The following CRISP3 variants were observed in gnomAD, a reference collection of about 807,000 sequenced individuals.
The protein encoded by CRISP3 is cysteine rich secretory protein 3, also known as cysteine-rich secretory protein 3.
CRISP3 carries 33 observed loss-of-function variants against 36.1 expected under a neutral mutation model. That is an observed-to-expected ratio of 0.91 (90% confidence interval 0.69 to 1.22). The LOEUF (loss-of-function observed/expected upper bound fraction) is 1.22, where lower values mean the gene tolerates loss of function less well. Among genes scored for constraint, CRISP3 ranks in the 50% most tolerant of loss-of-function variants. The pLI, the probability that CRISP3 is intolerant of heterozygous loss-of-function variation, is 0.00. For synonymous variants in CRISP3, 117 were observed against 104.6 expected, an observed-to-expected ratio of 1.12 and a Z score of -0.72; for missense variants, 330 against 301.2, an observed-to-expected ratio of 1.10 and a Z score of -0.71.
intron 1 of CRISP3, among the ~76,000 whole-genome samples, chr6:49,741,572 T>C (rs1769202623): frequency 6.7e-6 from 1 of 148,322 alleles, no homozygotes; most frequent in African/African-American, 2.5e-5. Context: ...CAAAGTAATA[T>C]GACAAAAAAT....
chr6:49,733,841 T>C lies in CRISP3; in HGVS notation c.324A>G (p.Lys108=). 1 of 1,613,210 alleles carries C rather than the reference T, an allele frequency of 6.2e-7. No homozygotes were observed. The highest frequency in any genetic ancestry group is 1.1e-5 in the South Asian group (1 of 90,978). ...SNPKDRMTSL[K]CGENLYMSSA... is the part of the protein sequence containing the mutation. ...TTGACATGTAGAGATTCTCACCACA[T>C]TTTAGACCTAAGAAGGAACAGACCA... The change falls in exon 5 of 8, where the codon AAA becomes AAG. Residue 108 remains lysine (K), a synonymous_variant. Transcript: ENST00000263045.
chr6:49,740,575 A>ATGTGTGTGTGTGTGTGTGTGTG (rs35601509), intron 1 of CRISP3, among the ~76,000 whole-genome samples: 2 of 141,456 alleles, frequency 1.4e-5, no homozygotes, highest in African/African-American at 2.6e-5. Context: ...GTGTATATGG[A>ATGTGTGTGTGTGTGTGTGTGTG]TGTGTGTGTG....
At chr6:49,738,329 A>G (rs190040928) in intron 1 of CRISP3, among the ~76,000 whole-genome samples, 45 of 152,336 alleles carry the variant, frequency 3.0e-4, no homozygotes, top group Admixed American at 1.4e-3. Flanking sequence ...GTCTAAGTAA[A>G]TGAGAATACA....
intron 1 of CRISP3, among the ~76,000 whole-genome samples, chr6:49,737,658 C>T (rs1769093228): frequency 6.6e-6 from 1 of 152,152 alleles, no homozygotes; most frequent in Middle Eastern, 3.2e-3. Flanking sequence ...ATGCTAAGGA[C>T]TTTCTACCTC....
intron 6 of CRISP3, among the ~76,000 whole-genome samples, chr6:49,732,957 G>C (rs1335411905): frequency 6.6e-6 from 1 of 152,148 alleles, no homozygotes; most frequent in Non-Finnish European, 1.5e-5. Context: ...AGGCAATTGA[G>C]AGAGGAGACA....
intron 3 of CRISP3, 55 bp from the exon 4 acceptor site, chr6:49,735,646 C>G: frequency 7.4e-7 from 1 of 1,354,824 alleles, no homozygotes; most frequent in Non-Finnish European, 1.0e-6. Flanking sequence ...CTCAAAGGAG[C>G]ATAAGCTTTA....
At chr6:49,740,121 T>A (rs1214502837) in intron 1 of CRISP3, among the ~76,000 whole-genome samples, 2 of 152,210 alleles carry the variant, frequency 1.3e-5, no homozygotes, top group Non-Finnish European at 2.9e-5. Flanking sequence ...ATGTATATAA[T>A]ACAATTAAAC....
intron 1 of CRISP3, among the ~76,000 whole-genome samples, chr6:49,738,337 A>G (rs1769113233): frequency 6.6e-6 from 1 of 152,250 alleles, no homozygotes; most frequent in Non-Finnish European, 1.5e-5. Context: ...AAATGAGAAT[A>G]CATCCTCTTA....
At chr6:49,734,567 G>A (rs1040444529) in intron 4 of CRISP3, among the ~76,000 whole-genome samples, 2 of 152,104 alleles carry the variant, frequency 1.3e-5, no homozygotes, top group African/African-American at 4.8e-5. Flanking sequence ...TACTTAAAGA[G>A]AGTATAAACT....
chr6:49,728,950 G>T, intron 7 of CRISP3, 93 bp from the exon 8 acceptor site: 1 of 1,217,976 alleles, frequency 8.2e-7, no homozygotes, highest in Admixed American at 2.3e-5. Context: ...GGAGAGTAGG[G>T]AAGTGAGCAA....
intron 6 of CRISP3, 34 bp from the exon 7 acceptor site, chr6:49,731,285 C>T (rs1417086447): frequency 7.0e-7 from 1 of 1,430,102 alleles, no homozygotes; most frequent in East Asian, 2.3e-5. Flanking sequence ...AAATATTTTT[C>T]ATTTTTATGT....
At position 49,735,522 on chromosome 6, in the gene CRISP3, G is replaced by T. The variant is rs1769027062; in HGVS notation, c.298C>A (p.Pro100Thr). ...ANQCNYRHSNPKDRMTSLKCG... is the reference protein window; with the variant it reads ...ANQCNYRHSNTKDRMTSLKCG... The stretch of plus-strand genomic sequence containing the variant: ...TACATACTTGTCATTCGATCCTTTG[G>T]GTTACTGTGTCTGTAATTGCACTGG... The change falls in exon 4 of 8, where the codon CCA becomes ACA. Residue 100 changes from proline (P) to threonine (T), a missense_variant. Transcript: ENST00000263045. The T allele has an allele frequency of 6.2e-7, 1 of 1,610,312 alleles. No homozygotes were observed. The highest frequency in any genetic ancestry group is 1.3e-5 in the African/African-American group (1 of 74,734).
Position 49,744,330 on chromosome 6 carries a change from C to A in CRISP3, c.37+1G>T. 1 of 1,527,668 alleles carries A rather than the reference C, an allele frequency of 6.5e-7. No individual in the cohort carries two copies. 94.6% of individuals were successfully genotyped at this position (1,527,668 alleles called of 1,614,324 possible). Reference sequence around the variant, plus strand: ...CTTGAAATAAAGGAGTTATCACTTACCAGTGGTTTCCAGAGCAGGATGAAG... The same window carrying A: ...CTTGAAATAAAGGAGTTATCACTTAACAGTGGTTTCCAGAGCAGGATGAAG... On this transcript the variant is annotated splice_donor_variant, in intron 1 of 7. Transcript: ENST00000263045. LOFTEE classifies it high-confidence loss of function.
intron 1 of CRISP3, among the ~76,000 whole-genome samples, chr6:49,738,041 C>T (rs1387152392): frequency 6.6e-6 from 1 of 152,086 alleles, no homozygotes; most frequent in Admixed American, 6.6e-5. Context: ...TTCTTTAATA[C>T]CATGCCTCAA....
At chr6:49,744,097 T>G (rs1769272791) in intron 1 of CRISP3, among the ~76,000 whole-genome samples, 1 of 152,156 alleles carries the variant, frequency 6.6e-6, no homozygotes, top group South Asian at 2.1e-4. Context: ...AAAATTTATT[T>G]AAATTTCAAA....
rs534573630 is a variant in CRISP3 at position 49,728,705 on chromosome 6, G to C, written c.*25C>G. The C allele has an allele frequency of 3.5e-5, 56 of 1,602,424 alleles. 1 individual carries two copies. The South Asian group carries it at 6.2e-4, about 18-fold the overall frequency. ...AGATAATCTGACTCCTCTCTACATA[G>C]CCCTACTCGGTGTGTAATGCGTATT... On this transcript the variant is annotated 3_prime_UTR_variant, in exon 8 of 8. Coordinates refer to ENST00000263045, the MANE Select transcript of CRISP3 (RefSeq NM_006061.4).
At chr6:49,731,932 G>A (rs1768927145) in intron 6 of CRISP3, among the ~76,000 whole-genome samples, 1 of 152,134 alleles carries the variant, frequency 6.6e-6, no homozygotes, top group Non-Finnish European at 1.5e-5. Context: ...AATCTCCTCT[G>A]TGTGTTCATC....
chr6:49,734,495 C>G, intron 4 of CRISP3, among the ~76,000 whole-genome samples: 1 of 152,178 alleles, frequency 6.6e-6, no homozygotes, highest in South Asian at 2.1e-4. Context: ...TACTTCAACA[C>G]TTTTTCAAGC....
At chr6:49,737,221 G>A (rs992029438) in intron 2 of CRISP3, 104 bp downstream of exon 2, 2 of 832,420 alleles carry the variant, frequency 2.4e-6, no homozygotes, top group Non-Finnish European at 4.0e-6. Context: ...ACTTTATGAT[G>A]TACCAGACAC....
Sources: gnomAD v4.1 joint callset for allele counts (sites outside exome capture counted in the v4.1 genomes callset) on GRCh38, gnomAD v4.1.1 for gene constraint, MANE v1.5 for transcripts, NCBI Gene and HGNC (gene_info 2026-07-23, HGNC 2026-07-21) for gene names.